Variants in PHTF2 observed in about 807,000 individuals in gnomAD.
The protein encoded by PHTF2 is protein PHTF2.
A neutral mutation model predicts 101.2 loss-of-function variants in PHTF2; 60 were observed. The ratio of observed to expected loss-of-function variants is 0.59; its 90% confidence interval spans 0.48 to 0.73. The LOEUF is 0.73. PHTF2 is among the 30% of genes least tolerant of loss of function. The probability of loss-of-function intolerance (pLI) is 0.00; values close to 1 mark genes in which losing one functional copy is unlikely to be tolerated. For missense variants in PHTF2, 747 were observed against 908.7 expected (o/e 0.82, Z 2.29); for synonymous variants, 311 against 307.3 (o/e 1.01, Z -0.13).
chr7:77,877,829 GTTAA>G (rs1239041151), intron 3 of PHTF2, among the ~76,000 whole-genome samples: 1 of 152,146 alleles, frequency 6.6e-6, no homozygotes, highest in African/African-American at 2.4e-5. Flanking sequence ...TGTAGTTAAT[GTTAA>G]TTTTATTCCT....
chr7:77,953,999 C>A, intron 19 of PHTF2, 105 bp downstream of exon 18: 2 of 806,510 alleles, frequency 2.5e-6, no homozygotes, highest in Non-Finnish European at 3.9e-6. Context: ...GGTAAGATTG[C>A]AATTATTGAA....
At chr7:77,851,890 A>G (rs1243811247) in intron 2 of PHTF2, among the ~76,000 whole-genome samples, 1 of 152,180 alleles carries the variant, frequency 6.6e-6, no homozygotes, top group Non-Finnish European at 1.5e-5. Context: ...ACTGTATCTC[A>G]TAAGTTTTAG....
intron 1 of PHTF2, 36 bp from the exon 2 acceptor site, chr7:77,840,185 A>G: frequency 8.9e-7 from 1 of 1,121,764 alleles, no homozygotes; most frequent in Non-Finnish European, 1.4e-6. Flanking sequence ...GAAGGTGGGA[A>G]ATAAAGTCAT....
In PHTF2 at chr7:77,859,590, G is replaced by T. The variant is rs1164010387; in HGVS notation, c.147+4756G>T. Among the ~76,000 whole-genome samples, 3 of 145,550 alleles carry T rather than the reference G, an allele frequency of 2.1e-5. No homozygotes were observed. The East Asian group carries it at 5.9e-4, about 29-fold the overall frequency. ...TTTTTTTTTTTTTTTTTGAAGCAGG[G>T]TCTCTCTGTGTTACCTGTGTTGGAG... On this transcript the variant is annotated intron_variant, in intron 3 of 19. Transcript: ENST00000416283.
At chr7:77,918,417 C>T (rs1420913952) in intron 9 of PHTF2, among the ~76,000 whole-genome samples, 1 of 152,114 alleles carries the variant, frequency 6.6e-6, no homozygotes, top group Non-Finnish European at 1.5e-5. Flanking sequence ...CCAACTTTTC[C>T]ATCTTCTTTC....
chr7:77,802,197 T>G (rs1197886118), intron 1 of PHTF2, among the ~76,000 whole-genome samples: 1 of 152,182 alleles, frequency 6.6e-6, no homozygotes, highest in African/African-American at 2.4e-5. Flanking sequence ...TAGCTTTGTA[T>G]AAAATGTATG....
rs56810191 is a variant in PHTF2, at chr7:77,854,885, T to A, written c.147+51T>A. On this transcript the variant is annotated intron_variant, in intron 3 of 19. Transcript: ENST00000416283. Reference sequence around the variant, plus strand: ...CTGTTCAGGGCAGCAGGCTTTGCTCTGGCCCATGCTGGGTCCAGAAATGCT... The same window carrying A: ...CTGTTCAGGGCAGCAGGCTTTGCTCAGGCCCATGCTGGGTCCAGAAATGCT... 1,455 of 714,992 alleles carry A rather than the reference T, an allele frequency of 2.0e-3. 7 individuals carry two copies. Among genetic ancestry groups the A allele is most frequent in the African/African-American group, 0.019 (1,100 of 58,136 alleles). The allele number at this position is 714,992 out of a possible 1,614,324, so 44.3% of individuals were successfully genotyped here.
intron 3 of PHTF2, among the ~76,000 whole-genome samples, chr7:77,856,884 G>A (rs1797228321): frequency 1.3e-5 from 2 of 152,162 alleles, no homozygotes; most frequent in Non-Finnish European, 1.5e-5. Context: ...AGTGTTCCTG[G>A]CACTAATCCC....
chr7:77,864,388 A>G (rs1350279720), intron 3 of PHTF2, among the ~76,000 whole-genome samples: 1 of 152,200 alleles, frequency 6.6e-6, no homozygotes, highest in Non-Finnish European at 1.5e-5. Context: ...CTTGTCACTT[A>G]TCTTTTTAAC....
At chr7:77,870,489 G>A (rs1562895877) in intron 3 of PHTF2, among the ~76,000 whole-genome samples, 1 of 152,102 alleles carries the variant, frequency 6.6e-6, no homozygotes, top group Non-Finnish European at 1.5e-5. Context: ...GGGAGGCTAG[G>A]CCAGGCCAGT....
intron 3 of PHTF2, among the ~76,000 whole-genome samples, chr7:77,891,873 A>G (rs1453820671): frequency 4.6e-5 from 7 of 152,326 alleles, no homozygotes; most frequent in Non-Finnish European, 8.8e-5. Flanking sequence ...GGCAAGAGCC[A>G]CTCTGCACTC....
intron 16 of PHTF2, among the ~76,000 whole-genome samples, chr7:77,944,884 TA>T (rs373506930): frequency 3.9e-5 from 6 of 152,216 alleles, no homozygotes; most frequent in Admixed American, 3.3e-4. Flanking sequence ...CACTGACTTT[TA>T]AAACACAATG....
rs1801324912 is a variant in PHTF2, at chr7:77,900,895, T to C, written c.286+115T>C. 5 of 625,468 alleles carry C rather than the reference T, an allele frequency of 8.0e-6. No individual in the cohort carries two copies. The East Asian group carries it at 1.4e-4, about 18-fold the overall frequency. 38.7% of individuals were successfully genotyped at this position (625,468 alleles called of 1,614,324 possible). The stretch of plus-strand genomic sequence containing the variant: ...TTTTGCATTGCTATAAAGAAATACT[T>C]GAGATTGGGTAATTTATAAGAAAAG... On this transcript the variant is annotated intron_variant, in intron 6 of 19. Transcript: ENST00000416283.
At chr7:77,828,985 A>G (rs1017844214) in intron 1 of PHTF2, among the ~76,000 whole-genome samples, 1 of 152,140 alleles carries the variant, frequency 6.6e-6, no homozygotes, top group African/African-American at 2.4e-5. Flanking sequence ...ACCAGCCTGG[A>G]CAACAAAGTG....
At chr7:77,951,917 T>C (rs897021360) in intron 18 of PHTF2, among the ~76,000 whole-genome samples, 3 of 152,252 alleles carry the variant, frequency 2.0e-5, no homozygotes, top group East Asian at 1.9e-4. Context: ...TCTTTGGAAA[T>C]TGTATATTAA....
intron 2 of PHTF2, among the ~76,000 whole-genome samples, chr7:77,854,507 C>G (rs780727580): frequency 2.0e-5 from 3 of 152,090 alleles, no homozygotes; most frequent in Non-Finnish European, 4.4e-5. Context: ...GGTAGTAAAT[C>G]CAGCTAGGCT....
intron 11 of PHTF2, among the ~76,000 whole-genome samples, chr7:77,928,740 G>A (rs1804292864): frequency 6.6e-6 from 1 of 152,158 alleles, no homozygotes; most frequent in Non-Finnish European, 1.5e-5. Flanking sequence ...CAATGGTATT[G>A]CCATTAATAA....
chr7:77,799,382 C>G (rs1792341376), intron 1 of PHTF2, among the ~76,000 whole-genome samples: 1 of 152,150 alleles, frequency 6.6e-6, no homozygotes, highest in Non-Finnish European at 1.5e-5. Context: ...TCTCGGGTGG[C>G]TAGCCCGGCT....
chr7:77,834,047 A>G (rs918248779), intron 1 of PHTF2, among the ~76,000 whole-genome samples: 1 of 152,122 alleles, frequency 6.6e-6, no homozygotes, highest in East Asian at 1.9e-4. Context: ...GAGGATTGCA[A>G]CTGGGAGCAC....
Sources: allele counts gnomAD v4.1 joint callset (sites outside exome capture counted in the v4.1 genomes callset), GRCh38; gene constraint gnomAD v4.1.1; transcripts MANE v1.5; gene names NCBI Gene and HGNC (gene_info 2026-07-23, HGNC 2026-07-21).